Variants in NRXN3 observed in about 807,000 individuals in gnomAD.
NRXN3 encodes neurexin III.
A neutral mutation model predicts 137.6 loss-of-function variants in NRXN3; 32 were observed. That is an observed-to-expected ratio of 0.23 (90% CI 0.18 to 0.31). The LOEUF (loss-of-function observed/expected upper bound fraction) is 0.31. Among genes scored for constraint, NRXN3 ranks in the 10% least tolerant of loss-of-function variants. The pLI is 1.00. For synonymous variants in NRXN3, 798 were observed against 784.5 expected (o/e 1.02, Z -0.29); for missense variants, 1,574 against 2,062.5 (o/e 0.76, Z 4.59).
At chr14:79,497,580 C>T (rs1292450801) in intron 16 of NRXN3, among the ~76,000 whole-genome samples, 3 of 152,116 alleles carry the variant, frequency 2.0e-5, no homozygotes, top group Non-Finnish European at 4.4e-5. Context: ...TTTCTTTTTA[C>T]TTGGGTTTTT....
chr14:78,921,301 C>A (rs2099270429), intron 10 of NRXN3, among the ~76,000 whole-genome samples: 1 of 152,182 alleles, frequency 6.6e-6, no homozygotes, highest in South Asian at 2.1e-4. Flanking sequence ...GTTAATGGAG[C>A]AGACACAGTC....
chr14:79,111,237 A>G (rs899343576), intron 15 of NRXN3, among the ~76,000 whole-genome samples: 6 of 152,196 alleles, frequency 3.9e-5, no homozygotes, highest in Non-Finnish European at 8.8e-5. Context: ...AGTGCTGGCA[A>G]TTTGCCTCTG....
intron 14 of NRXN3, among the ~76,000 whole-genome samples, chr14:78,986,015 T>C (rs559161566): frequency 2.6e-5 from 4 of 152,324 alleles, no homozygotes; most frequent in South Asian, 4.1e-4. Flanking sequence ...CATTGTCTTA[T>C]GAGTGATGGC....
Position 78,966,350 on chromosome 14 carries a change from C to T in NRXN3, c.2721C>T (p.Phe907=), listed in dbSNP as rs780557882. 3 of 1,614,192 alleles carry T rather than the reference C, an allele frequency of 1.9e-6. No individual in the cohort carries two copies. The highest frequency in any genetic ancestry group is 2.5e-6 in the Non-Finnish European group (3 of 1,180,032). The change falls in exon 12 of 21, where the codon TTC becomes TTT. Residue 907 remains phenylalanine (F), a synonymous_variant. Transcript: ENST00000335750. The part of the protein sequence containing the change: ...FQFKTTSPDG[F]ILFNSGDGND... ...TCAAGACCACCTCACCAGATGGCTTCATTCTCTTCAATAGTGGTGATGGCA... is the reference window on the plus strand; with the variant it reads ...TCAAGACCACCTCACCAGATGGCTTTATTCTCTTCAATAGTGGTGATGGCA...
At chr14:79,229,442 C>G (rs2071708889) in intron 15 of NRXN3, among the ~76,000 whole-genome samples, 1 of 152,172 alleles carries the variant, frequency 6.6e-6, no homozygotes, top group Admixed American at 6.6e-5. Context: ...TAGCCAGATT[C>G]TTTTATCTAA....
chr14:79,367,804 T>C (rs2093951506), intron 15 of NRXN3, among the ~76,000 whole-genome samples: 1 of 152,200 alleles, frequency 6.6e-6, no homozygotes, highest in Non-Finnish European at 1.5e-5. Context: ...AGAAAGCTTG[T>C]AATGATGTTA....
At chr14:78,797,971 C>T (rs116502425) in intron 8 of NRXN3, among the ~76,000 whole-genome samples, 2,119 of 152,196 alleles carry the variant, frequency 0.014, 63 homozygotes, top group African/African-American at 0.049. Flanking sequence ...CCCACAGATG[C>T]GGGAATTATG....
At chr14:78,206,335 A>G (rs2062180319) in intron 1 of NRXN3, among the ~76,000 whole-genome samples, 1 of 152,178 alleles carries the variant, frequency 6.6e-6, no homozygotes, top group Non-Finnish European at 1.5e-5. Flanking sequence ...ACAGTATCCC[A>G]TGAAATGGTG....
At chr14:79,777,067 A>G (rs964844890) in intron 19 of NRXN3, among the ~76,000 whole-genome samples, 1 of 152,156 alleles carries the variant, frequency 6.6e-6, no homozygotes, top group Non-Finnish European at 1.5e-5. Context: ...GCAGGAGACG[A>G]GAGAGTAATC....
chr14:79,744,576 A>G (rs2098973217), intron 19 of NRXN3, among the ~76,000 whole-genome samples: 1 of 152,192 alleles, frequency 6.6e-6, no homozygotes, highest in Non-Finnish European at 1.5e-5. Context: ...AATTGTTACT[A>G]ACATCAACGC....
At chr14:79,796,841 A>T (rs1395181867) in intron 19 of NRXN3, among the ~76,000 whole-genome samples, 1 of 152,168 alleles carries the variant, frequency 6.6e-6, no homozygotes, top group Non-Finnish European at 1.5e-5. Context: ...TTGAATTCCT[A>T]TGTAGTCTGC....
At chr14:79,747,070 C>A (rs1245497885) in intron 19 of NRXN3, among the ~76,000 whole-genome samples, 1 of 151,996 alleles carries the variant, frequency 6.6e-6, no homozygotes, top group African/African-American at 2.4e-5. Context: ...CCAAGTTCTG[C>A]TAGGGAAGAA....
At chr14:78,519,289 G>C (rs2096254224) in intron 4 of NRXN3, among the ~76,000 whole-genome samples, 2 of 152,090 alleles carry the variant, frequency 1.3e-5, no homozygotes, top group Non-Finnish European at 2.9e-5. Flanking sequence ...CCTGCTTCAG[G>C]AGAACTTGGG....
intron 10 of NRXN3, among the ~76,000 whole-genome samples, chr14:78,895,902 A>G (rs1403472171): frequency 1.3e-5 from 2 of 151,934 alleles, no homozygotes; most frequent in East Asian, 3.9e-4. Flanking sequence ...TGGCCATCTT[A>G]TATGGACATG....
chr14:79,013,510 C>T (rs1409783575), intron 15 of NRXN3, among the ~76,000 whole-genome samples: 2 of 152,104 alleles, frequency 1.3e-5, no homozygotes, highest in African/African-American at 2.4e-5. Context: ...TTAACTTCTC[C>T]CAGAGAAGCT....
rs556287967 is a variant in NRXN3 at position 78,189,625 on chromosome 14, C to T, written c.-704+18951C>T. 3.9e-3 allele frequency among the ~76,000 whole-genome samples: 590 copies of T among 151,916 alleles called. 3 individuals carry two copies. Among genetic ancestry groups the T allele is most frequent in the Non-Finnish European group, 6.2e-3 (422 of 67,976 alleles). On this transcript the variant is annotated intron_variant, in intron 1 of 20. Transcript: ENST00000335750. ...TTTTTGAGATGGAGTCTTGTTCTGT[C>T]GCCCAGGCTGGAGTGCAGTGGTGCA...
chr14:78,841,422 C>A (rs2099012209), intron 10 of NRXN3, among the ~76,000 whole-genome samples: 1 of 151,988 alleles, frequency 6.6e-6, no homozygotes, highest in East Asian at 1.9e-4. Flanking sequence ...CAGGCTCTTT[C>A]ATGTTTTTCT....
chr14:78,241,704 T>A (rs960086296), intron 1 of NRXN3, among the ~76,000 whole-genome samples: 1 of 152,156 alleles, frequency 6.6e-6, no homozygotes, highest in Non-Finnish European at 1.5e-5. Context: ...GAGGCTATTA[T>A]TTTCTCTACT....
intron 4 of NRXN3, among the ~76,000 whole-genome samples, chr14:78,448,524 C>T (rs1349615624): frequency 6.6e-6 from 1 of 152,138 alleles, no homozygotes; most frequent in Admixed American, 6.5e-5. Flanking sequence ...GCAGTTTTTC[C>T]TAGGCTAGTC....
Sources: allele counts gnomAD v4.1 joint callset (sites outside exome capture counted in the v4.1 genomes callset), GRCh38; gene constraint gnomAD v4.1.1; transcripts MANE v1.5; gene names NCBI Gene and HGNC (gene_info 2026-07-23, HGNC 2026-07-21).